Variants in FAM78B observed in about 807,000 individuals in gnomAD.
The protein encoded by FAM78B is family with sequence similarity 78 member B.
A neutral mutation model predicts 20.0 loss-of-function variants in FAM78B; 10 were observed. That is an observed-to-expected ratio of 0.50 (90% confidence interval 0.31 to 0.85). The LOEUF (loss-of-function observed/expected upper bound fraction) is 0.85, where lower values mean the gene tolerates loss of function less well. Among genes scored for constraint, FAM78B ranks in the 40% least tolerant of loss-of-function variants. The pLI is 0.05. For synonymous variants in FAM78B, 135 were observed against 132.8 expected (o/e 1.02, Z -0.12); for missense variants, 283 against 345.0 (o/e 0.82, Z 1.42).
rs1206204098 is a variant in FAM78B at position 166,124,661 on chromosome 1, G to A, written c.263+41325C>T. ...GCTTCAGTCTACCTGGCTAGGCTGT[G>A]AGCCCTCCAGGGCAGATACTGTGAC... On this transcript the variant is annotated intron_variant, in intron 1 of 1. Coordinates refer to ENST00000354422, the MANE Select transcript of FAM78B (RefSeq NM_001017961.5). 2.0e-5 allele frequency among the ~76,000 whole-genome samples: 3 copies of A among 152,328 alleles called. No homozygotes were observed. In the East Asian group the frequency reaches 5.8e-4, roughly 29 times the overall value.
At chr1:166,106,305 T>C (rs1298019765) in intron 1 of FAM78B, among the ~76,000 whole-genome samples, 1 of 150,962 alleles carries the variant, frequency 6.6e-6, no homozygotes, top group Non-Finnish European at 1.5e-5. Flanking sequence ...TGTATACATA[T>C]GTAACAAACC....
intron 1 of FAM78B, among the ~76,000 whole-genome samples, chr1:166,116,112 C>T (rs1413362047): frequency 6.6e-6 from 1 of 152,156 alleles, no homozygotes; most frequent in Admixed American, 6.5e-5. Flanking sequence ...CTTCTTGGCC[C>T]AAGGCCTGGT....
intron 1 of FAM78B, among the ~76,000 whole-genome samples, chr1:166,109,399 T>C (rs965774386): frequency 2.0e-5 from 3 of 151,996 alleles, no homozygotes; most frequent in Admixed American, 2.0e-4. Context: ...CCAACAAACA[T>C]ATCAAAAAAT....
intron 1 of FAM78B, among the ~76,000 whole-genome samples, chr1:166,110,478 A>G (rs1389763854): frequency 6.6e-6 from 1 of 152,152 alleles, no homozygotes; most frequent in Non-Finnish European, 1.5e-5. Flanking sequence ...CCTGTGGCTG[A>G]GGCCAACACA....
At chr1:166,147,101 C>G (rs529081113) in intron 1 of FAM78B, among the ~76,000 whole-genome samples, 1 of 152,212 alleles carries the variant, frequency 6.6e-6, no homozygotes, top group South Asian at 2.1e-4. Context: ...TCCGAAAGAG[C>G]CTTACCCTAG....
At chr1:166,088,108 C>T (rs939157239) in intron 1 of FAM78B, among the ~76,000 whole-genome samples, 1 of 152,196 alleles carries the variant, frequency 6.6e-6, no homozygotes, top group Non-Finnish European at 1.5e-5. Context: ...CCTTCCAACA[C>T]TCAAGAGACT....
At chr1:166,061,084 A>G (rs897378748) in intron 2 of FAM78B, among the ~76,000 whole-genome samples, 3 of 152,204 alleles carry the variant, frequency 2.0e-5, no homozygotes, top group African/African-American at 7.2e-5. Context: ...CAAGGGGGTC[A>G]CACCACGACT....
At chr1:166,093,139 T>G (rs1026998120) in intron 1 of FAM78B, among the ~76,000 whole-genome samples, 1 of 152,218 alleles carries the variant, frequency 6.6e-6, no homozygotes, top group African/African-American at 2.4e-5. Flanking sequence ...TTATGTAATA[T>G]GTAAATAAAC....
intron 1 of FAM78B, among the ~76,000 whole-genome samples, chr1:166,103,377 G>C (rs571182833): frequency 1.4e-3 from 214 of 152,226 alleles, no homozygotes; most frequent in African/African-American, 5.0e-3. Context: ...AGGAAATAGA[G>C]ACACAAAAAA....
chr1:166,114,087 C>T (rs1183774883), intron 1 of FAM78B, among the ~76,000 whole-genome samples: 1 of 152,228 alleles, frequency 6.6e-6, no homozygotes, highest in East Asian at 1.9e-4. Context: ...ACCAATTATC[C>T]TTCCACTGTT....
At chr1:166,109,336 A>G (rs1653906715) in intron 1 of FAM78B, among the ~76,000 whole-genome samples, 1 of 152,194 alleles carries the variant, frequency 6.6e-6, no homozygotes, top group Non-Finnish European at 1.5e-5. Context: ...ATCCAATCAA[A>G]AAGTGGGCTA....
chr1:166,166,833 GGCGACCGGAGCTCCCGCCGGCCCC>G lies in FAM78B; in HGVS notation c.-609_-586del, dbSNP rs1184197845. The G allele has an allele frequency of 9.4e-4, 142 of 151,088 alleles. 1 individual carries two copies. The highest frequency in any genetic ancestry group is 6.7e-3 in the Middle Eastern group (2 of 298). The allele number at this position is 151,088 out of a possible 1,614,324, so 9.4% of individuals were successfully genotyped here. A position where few individuals can be genotyped will look rare whatever the true frequency, so the allele number is the denominator to read the frequency against. The stretch of plus-strand genomic sequence containing the variant: ...AGGCGGAGGCAGCAGCGGCGGCGGC[GGCGACCGGAGCTCCCGCCGGCCCC>G]GCCCCGTAGCCGGACCACACCGACA... On this transcript the variant is annotated 5_prime_UTR_variant, in exon 1 of 2. Transcript: ENST00000354422.
Position 166,070,779 on chromosome 1 carries a change from A to G in FAM78B, c.264-16T>C, listed in dbSNP as rs535470409. On this transcript the variant is annotated splice_polypyrimidine_tract_variant and intron_variant, in intron 1 of 1. Coordinates refer to ENST00000354422, the MANE Select transcript of FAM78B (RefSeq NM_001017961.5). ...CCAGCTTGACCTGGCAAAGCAGAAGACATGCACAAGAAAAGAAGAGGCTGA... is the reference window on the plus strand; with the variant it reads ...CCAGCTTGACCTGGCAAAGCAGAAGGCATGCACAAGAAAAGAAGAGGCTGA... 2.2e-5 allele frequency: 33 copies of G among 1,525,968 alleles called. 1 individual carries two copies. In the South Asian group the frequency reaches 3.7e-4, roughly 17 times the overall value. 94.5% of individuals were successfully genotyped at this position (1,525,968 alleles called of 1,614,324 possible). A position where few individuals can be genotyped will look rare whatever the true frequency, so the allele number is the denominator to read the frequency against.
chr1:166,130,725 C>T (rs763154178), intron 1 of FAM78B, among the ~76,000 whole-genome samples: 40 of 152,154 alleles, frequency 2.6e-4, no homozygotes, highest in Non-Finnish European at 5.0e-4. Flanking sequence ...AAAAAACTGA[C>T]AAACAAGTGA....
At chr1:166,110,174 CG>C in intron 1 of FAM78B, among the ~76,000 whole-genome samples, 1 of 151,094 alleles carries the variant, frequency 6.6e-6, no homozygotes, top group African/African-American at 2.4e-5. Flanking sequence ...GAATACTGCT[CG>C]GGTGATGGGT....
chr1:166,164,450 A>C (rs1270593801), intron 1 of FAM78B, among the ~76,000 whole-genome samples: 1 of 152,234 alleles, frequency 6.6e-6, no homozygotes, highest in East Asian at 1.9e-4. Flanking sequence ...AAATGGCATG[A>C]TTCGCCCCAA....
intron 1 of FAM78B, among the ~76,000 whole-genome samples, chr1:166,072,110 G>A (rs1443220717): frequency 6.6e-6 from 1 of 152,202 alleles, no homozygotes; most frequent in African/African-American, 2.4e-5. Flanking sequence ...CCTCCTATGA[G>A]GTGACAGAAG....
chr1:166,102,772 T>C (rs1653583923), intron 1 of FAM78B, among the ~76,000 whole-genome samples: 1 of 152,066 alleles, frequency 6.6e-6, no homozygotes. Context: ...GACATTAACA[T>C]CCCACTGTCA....
chr1:166,157,828 CTACAGCCCAGACCAACCAGCT>C (rs1412117807), intron 1 of FAM78B, among the ~76,000 whole-genome samples: 2 of 152,132 alleles, frequency 1.3e-5, no homozygotes, highest in African/African-American at 4.8e-5. Context: ...CGGCTAAAAG[CTACAGCCCAGACCAACCAGCT>C]TGCAGCCCGA....
Sources: gnomAD v4.1 joint callset for allele counts (sites outside exome capture counted in the v4.1 genomes callset) on GRCh38, gnomAD v4.1.1 for gene constraint, MANE v1.5 for transcripts, NCBI Gene and HGNC (gene_info 2026-07-23, HGNC 2026-07-21) for gene names.